The following PLLP variants were observed in gnomAD, a reference collection of about 807,000 sequenced individuals.
PLLP encodes the protein plasmolipin, also known as plasma membrane proteolipid (plasmolipin).
Under a neutral mutation model 19.7 loss-of-function variants are expected in PLLP, and 15 were observed. The observed-to-expected ratio is 0.76, with a 90% CI of 0.51 to 1.17. The LOEUF (loss-of-function observed/expected upper bound fraction) is 1.17, where lower values mean the gene tolerates loss of function less well. Among genes scored for constraint, PLLP ranks in the 50% most tolerant of loss-of-function variants. The pLI is 0.00. For synonymous variants in PLLP, 111 were observed against 116.3 expected, an observed-to-expected ratio of 0.95 and a Z score of 0.29; for missense variants, 255 against 258.3, an observed-to-expected ratio of 0.99 and a Z score of 0.09.
chr16:57,269,377 T>C (rs1230436779), intron 1 of PLLP, among the ~76,000 whole-genome samples: 1 of 152,210 alleles, frequency 6.6e-6, no homozygotes, highest in African/African-American at 2.4e-5. Flanking sequence ...CCAACCTTTC[T>C]GGTCTGTTTC....
Position 57,256,796 on chromosome 16 carries a change from T to G in PLLP, c.*117A>C, listed in dbSNP as rs2075427075. Reference sequence around the variant, plus strand: ...TGTCTGACGGGCAGAGAGGAGCAAATGCAGTCCCTGTTGGGCTGACTCCAC... The same window carrying G: ...TGTCTGACGGGCAGAGAGGAGCAAAGGCAGTCCCTGTTGGGCTGACTCCAC... On this transcript the variant is annotated 3_prime_UTR_variant, in exon 4 of 4. Coordinates refer to ENST00000219207, the MANE Select transcript of PLLP (RefSeq NM_015993.3). 3 of 682,494 alleles carry G rather than the reference T, an allele frequency of 4.4e-6. No homozygotes were observed. The highest frequency in any genetic ancestry group is 5.1e-5 in the East Asian group (2 of 38,940). 42.3% of individuals were successfully genotyped at this position (682,494 alleles called of 1,614,324 possible).
chr16:57,267,430 G>A (rs1406497680), intron 1 of PLLP, among the ~76,000 whole-genome samples: 2 of 152,108 alleles, frequency 1.3e-5, no homozygotes, highest in African/African-American at 4.8e-5. Context: ...AGCCGGGCAT[G>A]GTGGTGGGTG....
intron 3 of PLLP, among the ~76,000 whole-genome samples, chr16:57,257,996 C>T (rs2075431077): frequency 6.6e-6 from 1 of 152,060 alleles, no homozygotes; most frequent in African/African-American, 2.4e-5. Flanking sequence ...GCCTGGCCAA[C>T]ATGGTGAAAC....
At chr16:57,275,623 C>A (rs887880350) in intron 1 of PLLP, among the ~76,000 whole-genome samples, 65 of 33,558 alleles carry the variant, frequency 1.9e-3, no homozygotes, top group East Asian at 5.0e-3. Context: ...AAAAACACTA[C>A]AACAAAATTT....
chr16:57,268,516 G>A (rs1236708868), intron 1 of PLLP, among the ~76,000 whole-genome samples: 1 of 152,036 alleles, frequency 6.6e-6, no homozygotes, highest in Non-Finnish European at 1.5e-5. Context: ...TTTGAGACAG[G>A]GTCTCACTTT....
intron 1 of PLLP, among the ~76,000 whole-genome samples, chr16:57,271,531 G>C (rs923153908): frequency 6.6e-6 from 1 of 152,042 alleles, no homozygotes; most frequent in Non-Finnish European, 1.5e-5. Flanking sequence ...TGTAATCCCA[G>C]CTACTCGGGA....
intron 1 of PLLP, among the ~76,000 whole-genome samples, chr16:57,269,022 G>T (rs1300610355): frequency 2.6e-5 from 4 of 152,184 alleles, no homozygotes; most frequent in African/African-American, 9.7e-5. Context: ...AGATAAGGCG[G>T]TGGTGCTCCC....
chr16:57,270,380 T>C (rs1429463753), intron 1 of PLLP, among the ~76,000 whole-genome samples: 1 of 137,898 alleles, frequency 7.3e-6, no homozygotes, highest in Non-Finnish European at 1.6e-5. Context: ...AGTCCATCCA[T>C]GGCCCCTGAG....
At chr16:57,282,027 A>G (rs538737727) in intron 1 of PLLP, among the ~76,000 whole-genome samples, 3 of 152,122 alleles carry the variant, frequency 2.0e-5, no homozygotes, top group Non-Finnish European at 4.4e-5. Context: ...CGTCTGTGTA[A>G]TGGGACCCAG....
At chr16:57,279,700 T>A (rs1289448307) in intron 1 of PLLP, among the ~76,000 whole-genome samples, 1 of 144,412 alleles carries the variant, frequency 6.9e-6, no homozygotes, top group Non-Finnish European at 1.5e-5. Context: ...AAAGTAGGGG[T>A]CTTACTCTGT....
intron 1 of PLLP, among the ~76,000 whole-genome samples, chr16:57,282,228 C>CTT (rs5817092): frequency 6.8e-6 from 1 of 146,566 alleles, no homozygotes; most frequent in Non-Finnish European, 1.5e-5. Context: ...TTTTTCTTTT[C>CTT]TTTTTTTTTT....
In PLLP at chr16:57,256,098, A is replaced by T. The variant is rs1245179657; in HGVS notation, c.*815T>A. On this transcript the variant is annotated 3_prime_UTR_variant, in exon 4 of 4. Coordinates refer to ENST00000219207, the MANE Select transcript of PLLP (RefSeq NM_015993.3). Reference sequence around the variant, plus strand: ...TGATTTGCCAACATCTTGTCCAAATAATTTCTCTCATCTTTATTTTTATTA... The same window carrying T: ...TGATTTGCCAACATCTTGTCCAAATTATTTCTCTCATCTTTATTTTTATTA... 1 of 398,438 alleles carries T rather than the reference A, an allele frequency of 2.5e-6. No homozygotes were observed. Among genetic ancestry groups the T allele is most frequent in the East Asian group, 3.6e-5 (1 of 28,086 alleles). 24.7% of individuals were successfully genotyped at this position (398,438 alleles called of 1,614,324 possible). A position where few individuals can be genotyped will look rare whatever the true frequency, so the allele number is the denominator to read the frequency against.
chr16:57,262,497 A>T (rs2075444914), intron 1 of PLLP, among the ~76,000 whole-genome samples: 1 of 152,120 alleles, frequency 6.6e-6, no homozygotes, highest in South Asian at 2.1e-4. Flanking sequence ...GGTTGCAGTG[A>T]GCTGAGATCA....
chr16:57,261,821 A>C (rs1597959275), intron 2 of PLLP, 76 bp downstream of exon 2: 1 of 1,371,160 alleles, frequency 7.3e-7, no homozygotes, highest in East Asian at 2.3e-5. Context: ...CCACCCCCCC[A>C]CACCCTGCCA....
chr16:57,275,603 C>CAAA (rs34400512), intron 1 of PLLP, among the ~76,000 whole-genome samples: 2 of 22,308 alleles, frequency 9.0e-5, no homozygotes, highest in Non-Finnish European at 9.2e-5. Flanking sequence ...AGAAATTCAG[C>CAAA]AAAAAAAAAA....
chr16:57,264,350 G>A (rs1032918313), intron 1 of PLLP, among the ~76,000 whole-genome samples: 1 of 152,236 alleles, frequency 6.6e-6, no homozygotes, highest in Admixed American at 6.5e-5. Context: ...AAGCTGTGTG[G>A]CTGTGTGATG....
At chr16:57,266,863 CTT>C (rs34562097) in intron 1 of PLLP, among the ~76,000 whole-genome samples, 4,063 of 97,252 alleles carry the variant, frequency 0.042, 27 homozygotes, top group Non-Finnish European at 0.051. Context: ...GGCACAGGGC[CTT>C]TTTTTTTTTT....
chr16:57,260,792 G>C (rs1455789527), intron 2 of PLLP, among the ~76,000 whole-genome samples: 3 of 152,166 alleles, frequency 2.0e-5, no homozygotes, highest in African/African-American at 7.2e-5. Context: ...GCAAACCTGG[G>C]GAGCCCAGCC....
intron 1 of PLLP, among the ~76,000 whole-genome samples, chr16:57,264,369 G>C (rs1176135128): frequency 6.6e-6 from 1 of 152,216 alleles, no homozygotes; most frequent in Non-Finnish European, 1.5e-5. Context: ...TGCTGACCGA[G>C]TACCTTCCCT....
Sources: gnomAD v4.1 joint callset for allele counts (sites outside exome capture counted in the v4.1 genomes callset) on GRCh38, gnomAD v4.1.1 for gene constraint, MANE v1.5 for transcripts, NCBI Gene and HGNC (gene_info 2026-07-23, HGNC 2026-07-21) for gene names.